The following UBXN2A variants were observed in gnomAD, a reference collection of about 807,000 sequenced individuals.
UBXN2A encodes UBX domain-containing protein 2A.
Under a neutral mutation model 28.4 loss-of-function variants are expected in UBXN2A, and 28 were observed. The observed-to-expected ratio is 0.99, with a 90% CI of 0.73 to 1.35. The LOEUF (loss-of-function observed/expected upper bound fraction) is 1.35, where lower values mean the gene tolerates loss of function less well. Among genes scored for constraint, UBXN2A ranks in the 40% most tolerant of loss-of-function variants. UBXN2A has a pLI of 0.00. For synonymous variants in UBXN2A, 97 were observed against 103.6 expected, an observed-to-expected ratio of 0.94 and a Z score of 0.39; for missense variants, 253 against 297.9, an observed-to-expected ratio of 0.85 and a Z score of 1.11.
At chr2:23,993,202 T>C (rs1708413884) in intron 6 of UBXN2A, among the ~76,000 whole-genome samples, 1 of 152,222 alleles carries the variant, frequency 6.6e-6, no homozygotes, top group South Asian at 2.1e-4. Context: ...ACTAAAGATG[T>C]AGAAATGGGA....
At chr2:23,970,612 A>G (rs1006699366) in intron 2 of UBXN2A, among the ~76,000 whole-genome samples, 1 of 152,142 alleles carries the variant, frequency 6.6e-6, no homozygotes, top group African/African-American at 2.4e-5. Context: ...GGATGATTCA[A>G]GCACATTACA....
chr2:23,958,938 A>G (rs1272755296), intron 2 of UBXN2A, among the ~76,000 whole-genome samples: 1 of 151,986 alleles, frequency 6.6e-6, no homozygotes, highest in African/African-American at 2.4e-5. Context: ...ATTCCTGGGG[A>G]CAAGTGATCA....
At chr2:23,996,421 C>G (rs1708532987) in intron 6 of UBXN2A, among the ~76,000 whole-genome samples, 1 of 151,010 alleles carries the variant, frequency 6.6e-6, no homozygotes, top group Non-Finnish European at 1.5e-5. Flanking sequence ...CATTTGCATT[C>G]CTATTGTTGT....
intron 2 of UBXN2A, among the ~76,000 whole-genome samples, chr2:23,964,949 G>T (rs1021916045): frequency 6.6e-6 from 1 of 152,144 alleles, no homozygotes; most frequent in Non-Finnish European, 1.5e-5. Context: ...TTCAAGACTG[G>T]CCTGGGGCAT....
At chr2:23,929,413 T>TAAA (rs79621828) in intron 1 of UBXN2A, among the ~76,000 whole-genome samples, 1 of 132,344 alleles carries the variant, frequency 7.6e-6, no homozygotes, top group African/African-American at 2.8e-5. Flanking sequence ...AAAAAATATT[T>TAAA]AAAAAAAAAA....
chr2:23,936,238 T>C (rs866458188), upstream of UBXN2A, among the ~76,000 whole-genome samples: 3 of 152,176 alleles, frequency 2.0e-5, no homozygotes, highest in South Asian at 6.2e-4. Flanking sequence ...CAAAATGTAA[T>C]ATATACATAC....
At chr2:23,981,846 C>T (rs1707923485) in intron 4 of UBXN2A, among the ~76,000 whole-genome samples, 2 of 152,082 alleles carry the variant, frequency 1.3e-5, no homozygotes, top group African/African-American at 4.8e-5. Context: ...CATGATTGCA[C>T]CACTGCACTC....
At chr2:23,973,639 CTT>C (rs548688766) in intron 3 of UBXN2A, among the ~76,000 whole-genome samples, 4 of 141,640 alleles carry the variant, frequency 2.8e-5, no homozygotes, top group Non-Finnish European at 1.5e-5. Context: ...TGTGTCCAGC[CTT>C]TTTTTTTTTT....
intron 5 of UBXN2A, among the ~76,000 whole-genome samples, chr2:23,983,647 G>C (rs187684855): frequency 6.6e-6 from 1 of 152,186 alleles, no homozygotes; most frequent in Non-Finnish European, 1.5e-5. Flanking sequence ...ACTCACCACT[G>C]TAGAGTACAT....
At chr2:23,933,514 T>C (rs1162422515) in intron 1 of UBXN2A, among the ~76,000 whole-genome samples, 2 of 151,266 alleles carry the variant, frequency 1.3e-5, no homozygotes, top group African/African-American at 4.9e-5. Context: ...CTCAAATAAA[T>C]AAATAGATAA....
At chr2:23,956,987 C>A (rs187678481) in intron 1 of UBXN2A, among the ~76,000 whole-genome samples, 1 of 152,152 alleles carries the variant, frequency 6.6e-6, no homozygotes. Flanking sequence ...TTGCAGATAA[C>A]GTATGCACAT....
At chr2:23,987,299 T>C (rs1708170312) in intron 6 of UBXN2A, among the ~76,000 whole-genome samples, 1 of 152,116 alleles carries the variant, frequency 6.6e-6, no homozygotes, top group African/African-American at 2.4e-5. Context: ...TCAGTATACC[T>C]TATGTGTCTT....
At chr2:23,985,092 T>C (rs965544850) in intron 6 of UBXN2A, among the ~76,000 whole-genome samples, 1 of 151,942 alleles carries the variant, frequency 6.6e-6, no homozygotes, top group Admixed American at 6.6e-5. Context: ...TTTTTATTTA[T>C]TGCCAGCTAA....
intron 6 of UBXN2A, among the ~76,000 whole-genome samples, chr2:23,995,423 G>A (rs1474590773): frequency 1.3e-5 from 2 of 152,070 alleles, no homozygotes; most frequent in South Asian, 2.1e-4. Context: ...GCCCATCCAC[G>A]TTGAAAATGC....
chr2:23,976,262 G>C (rs1707659766), intron 3 of UBXN2A, among the ~76,000 whole-genome samples: 1 of 152,156 alleles, frequency 6.6e-6, no homozygotes, highest in South Asian at 2.1e-4. Context: ...GAAGATTGCG[G>C]TGAAACCCTT....
intron 1 of UBXN2A, among the ~76,000 whole-genome samples, chr2:23,932,010 C>CAA (rs959769962): frequency 1.5e-5 from 2 of 131,228 alleles, no homozygotes; most frequent in Non-Finnish European, 3.3e-5. Flanking sequence ...GACTCCGTCT[C>CAA]AAAAAAAAAA....
At chr2:23,974,431 C>T (rs1284576140) in intron 3 of UBXN2A, among the ~76,000 whole-genome samples, 5 of 151,376 alleles carry the variant, frequency 3.3e-5, no homozygotes, top group South Asian at 2.1e-4. Flanking sequence ...CTGCAAGCTC[C>T]GCCTCCCGGG....
chr2:23,949,291 GC>G (rs1364961592), intron 1 of UBXN2A, among the ~76,000 whole-genome samples: 1 of 151,594 alleles, frequency 6.6e-6, no homozygotes, highest in Non-Finnish European at 1.5e-5. Context: ...AAATTTATTT[GC>G]CAGGCATGGT....
Position 23,988,097 on chromosome 2 carries a change from A to C in UBXN2A, c.584+3266A>C, listed in dbSNP as rs538237339. Among the ~76,000 whole-genome samples the C allele has an allele frequency of 2.6e-3, 393 of 148,358 alleles. 2 individuals are homozygous for C. Among genetic ancestry groups the C allele is most frequent in the Non-Finnish European group, 4.3e-3 (292 of 67,296 alleles). On this transcript the variant is annotated intron_variant, in intron 6 of 6. Transcript: ENST00000309033. ...GGGATCGTGCCACTGCAGTCCAGCC[A>C]GGGTGACAGAGTGAGGCTCCATCTC...
Sources: allele counts gnomAD v4.1 joint callset (sites outside exome capture counted in the v4.1 genomes callset), GRCh38; gene constraint gnomAD v4.1.1; transcripts MANE v1.5; gene names NCBI Gene and HGNC (gene_info 2026-07-23, HGNC 2026-07-21).